Variants in ERBB4 observed in about 807,000 individuals in gnomAD.
The protein encoded by ERBB4 is erb-b2 receptor tyrosine kinase 4, also known as receptor tyrosine-protein kinase erbB-4.
A neutral mutation model predicts 158.0 loss-of-function variants in ERBB4; 42 were observed. That is an observed-to-expected ratio of 0.27 (90% CI 0.21 to 0.34). The LOEUF (loss-of-function observed/expected upper bound fraction) is 0.34, where lower values mean the gene tolerates loss of function less well. Ranked by LOEUF, ERBB4 falls within the 10% of genes least tolerant of loss-of-function variation. The probability of loss-of-function intolerance (pLI) is 1.00; values close to 1 mark genes in which losing one functional copy is unlikely to be tolerated. For synonymous variants in ERBB4, 583 were observed against 558.7 expected (o/e 1.04, Z -0.61); for missense variants, 1,333 against 1,624.1 (o/e 0.82, Z 3.08).
intron 3 of ERBB4, among the ~76,000 whole-genome samples, chr2:211,794,291 T>G (rs1287373443): frequency 6.6e-6 from 1 of 151,840 alleles, no homozygotes. Flanking sequence ...TTCTTAGAGT[T>G]CCCCCTTCCT....
At chr2:212,144,803 G>A (rs1245865087) in intron 1 of ERBB4, among the ~76,000 whole-genome samples, 1 of 152,140 alleles carries the variant, frequency 6.6e-6, no homozygotes, top group Non-Finnish European at 1.5e-5. Flanking sequence ...ATTTGTACAT[G>A]TAAGCCTAGA....
At chr2:212,055,498 C>T (rs1026051117) in intron 2 of ERBB4, among the ~76,000 whole-genome samples, 3 of 152,212 alleles carry the variant, frequency 2.0e-5, no homozygotes, top group Non-Finnish European at 4.4e-5. Flanking sequence ...GGTACCTGAC[C>T]CCCGAGTAGC....
chr2:211,377,328 G>A lies in ERBB4; in HGVS notation c.*6287C>T. 4.3e-6 allele frequency: 1 copy of A among 233,170 alleles called. No individual in the cohort carries two copies. The allele number at this position is 233,170 out of a possible 1,614,324, so 14.4% of individuals were successfully genotyped here. ...ATTGGGGATAAAAATAGCAGTAAAGGCAAAGTGGTTTGGACAAGTTAGACT... is the reference window on the plus strand; with the variant it reads ...ATTGGGGATAAAAATAGCAGTAAAGACAAAGTGGTTTGGACAAGTTAGACT... On this transcript the variant is annotated 3_prime_UTR_variant, in exon 28 of 28. Transcript: ENST00000342788.
intron 1 of ERBB4, among the ~76,000 whole-genome samples, chr2:212,384,896 TATATATATATATATATATATATATAC>T (rs2090622885): frequency 1.5e-5 from 2 of 132,572 alleles, no homozygotes; most frequent in Non-Finnish European, 3.2e-5. Flanking sequence ...GTGGAATATA[TATATATATATATATATATATATATAC>T]ACACACACAC....
At chr2:212,344,693 G>GTA (rs910167032) in intron 1 of ERBB4, among the ~76,000 whole-genome samples, 1 of 152,046 alleles carries the variant, frequency 6.6e-6, no homozygotes, top group African/African-American at 2.4e-5. Context: ...TACTTTCATG[G>GTA]TATATAACAA....
rs529339244 is a variant in ERBB4 at position 212,224,455 on chromosome 2, G to A, written c.83-99552C>T. Reference sequence around the variant, plus strand: ...GAAGATAATGAAGCCAAGATTGCTGGTATAAATAAAAATGAAACCCAATTA... The same window carrying A: ...GAAGATAATGAAGCCAAGATTGCTGATATAAATAAAAATGAAACCCAATTA... On this transcript the variant is annotated intron_variant, in intron 1 of 27. Coordinates refer to ENST00000342788, the MANE Select transcript of ERBB4 (RefSeq NM_005235.3). 2.0e-5 allele frequency among the ~76,000 whole-genome samples: 3 copies of A among 151,978 alleles called. No homozygotes were observed. The South Asian group carries it at 6.2e-4, about 32-fold the overall frequency.
At chr2:211,465,432 T>A (rs1315825305) in intron 20 of ERBB4, among the ~76,000 whole-genome samples, 4 of 150,788 alleles carry the variant, frequency 2.7e-5, no homozygotes, top group African/African-American at 9.7e-5. Flanking sequence ...CCTGGGTTTT[T>A]AAAAATGACA....
At chr2:211,750,795 C>G (rs545856937) in intron 4 of ERBB4, 91 bp from the exon 5 acceptor site, 58 of 1,070,770 alleles carry the variant, frequency 5.4e-5, no homozygotes, top group Middle Eastern at 2.0e-4. Context: ...TACTCCTGCT[C>G]CTTTATGAGG....
intron 20 of ERBB4, among the ~76,000 whole-genome samples, chr2:211,521,223 CAA>C (rs2066177339): frequency 6.6e-6 from 1 of 152,112 alleles, no homozygotes; most frequent in Non-Finnish European, 1.5e-5. Flanking sequence ...TGAATGCAGA[CAA>C]AGAGTTACTT....
At chr2:211,794,029 C>A (rs886886975) in intron 3 of ERBB4, among the ~76,000 whole-genome samples, 16 of 151,874 alleles carry the variant, frequency 1.1e-4, no homozygotes, top group African/African-American at 3.9e-4. Flanking sequence ...GTCAAAAGCT[C>A]ATGGATGCAG....
chr2:212,188,276 TCCCTCTTCTCTCC>T (rs2082090445), intron 1 of ERBB4, among the ~76,000 whole-genome samples: 1 of 94,278 alleles, frequency 1.1e-5, no homozygotes, highest in Non-Finnish European at 2.1e-5. Flanking sequence ...CTTCTCTCCC[TCCCTCTTCTCTCC>T]CTCCCTCTTC....
intron 2 of ERBB4, among the ~76,000 whole-genome samples, chr2:211,953,026 T>C (rs2080919375): frequency 6.6e-6 from 1 of 152,092 alleles, no homozygotes. Flanking sequence ...TGTGTGTATA[T>C]TATGGCCCTA....
intron 5 of ERBB4, 39 bp downstream of exon 5, chr2:211,750,600 C>CTGATGTG (rs1309045763): frequency 1.3e-6 from 2 of 1,554,664 alleles, no homozygotes; most frequent in South Asian, 2.2e-5. Flanking sequence ...AATTCCTTGA[C>CTGATGTG]CACATCAAAC....
At chr2:211,450,081 C>A (rs1020041509) in intron 20 of ERBB4, among the ~76,000 whole-genome samples, 1 of 152,084 alleles carries the variant, frequency 6.6e-6, no homozygotes, top group Non-Finnish European at 1.5e-5. Context: ...AAACACACAG[C>A]AAATAATAGA....
chr2:211,493,160 C>T (rs934662248), intron 20 of ERBB4, among the ~76,000 whole-genome samples: 12 of 152,062 alleles, frequency 7.9e-5, no homozygotes, highest in Non-Finnish European at 8.8e-5. Context: ...TGCTTCGAAC[C>T]ATTTTTTTCC....
intron 1 of ERBB4, among the ~76,000 whole-genome samples, chr2:212,315,026 G>A (rs2087210649): frequency 6.6e-6 from 1 of 151,230 alleles, no homozygotes. Context: ...TGAGATTACT[G>A]AAGTCATGAG....
chr2:211,964,046 A>C (rs839498), intron 2 of ERBB4, among the ~76,000 whole-genome samples: 14,317 of 152,202 alleles, frequency 0.094, 1,603 homozygotes, highest in African/African-American at 0.27. Context: ...CCCTGAAAGG[A>C]AACTGGACAA....
intron 3 of ERBB4, among the ~76,000 whole-genome samples, chr2:211,943,584 A>C (rs62184548): frequency 0.18 from 27,472 of 152,036 alleles, 3,109 homozygotes; most frequent in East Asian, 0.52. Flanking sequence ...TTAACAGGAC[A>C]CCTAGAGCAT....
chr2:212,485,920 C>T (rs1210914806), intron 1 of ERBB4, among the ~76,000 whole-genome samples: 1 of 151,886 alleles, frequency 6.6e-6, no homozygotes, highest in Non-Finnish European at 1.5e-5. Context: ...ACCAAACCAC[C>T]TCTCAAAAGG....
Sources: gnomAD v4.1 joint callset for allele counts (sites outside exome capture counted in the v4.1 genomes callset) on GRCh38, gnomAD v4.1.1 for gene constraint, MANE v1.5 for transcripts, NCBI Gene and HGNC (gene_info 2026-07-23, HGNC 2026-07-21) for gene names.